FILIP1L: variants seen among roughly 807,000 people sequenced by gnomAD.
The protein encoded by FILIP1L is filamin A interacting protein 1 like, also known as filamin A-interacting protein 1-like.
FILIP1L carries 55 observed loss-of-function variants against 96.6 expected under a neutral mutation model. The ratio of observed to expected loss-of-function variants is 0.57; its 90% confidence interval spans 0.46 to 0.71. The LOEUF (loss-of-function observed/expected upper bound fraction) is 0.71. FILIP1L is among the 30% of genes least tolerant of loss of function. FILIP1L has a pLI of 0.00. For synonymous variants in FILIP1L, 467 were observed against 473.9 expected, an observed-to-expected ratio of 0.99 and a Z score of 0.19; for missense variants, 1,304 against 1,321.2, an observed-to-expected ratio of 0.99 and a Z score of 0.20.
At chr3:99,925,753 G>T in intron 3 of FILIP1L, 3 of 550,880 alleles carry the variant, frequency 5.4e-6, no homozygotes, top group Non-Finnish European at 4.6e-6. Context: ...AAGTGCACTT[G>T]GTGGAAGTGG....
intron 1 of FILIP1L, chr3:100,011,648 A>C (rs974481710): frequency 2.0e-5 from 3 of 152,220 alleles, no homozygotes; most frequent in Non-Finnish European, 4.4e-5. Flanking sequence ...ATAGGATGTC[A>C]TTGATGTTCT....
chr3:99,953,110 A>G (rs1306953617), intron 1 of FILIP1L, among the ~76,000 whole-genome samples: 2 of 152,194 alleles, frequency 1.3e-5, no homozygotes, highest in Admixed American at 1.3e-4. Flanking sequence ...ACTTAGCTGC[A>G]TACTTAAAGG....
chr3:99,984,532 C>G (rs1346009185), intron 1 of FILIP1L, among the ~76,000 whole-genome samples: 1 of 152,136 alleles, frequency 6.6e-6, no homozygotes, highest in Non-Finnish European at 1.5e-5. Context: ...GGTCCTCTAG[C>G]CCCTGGTCAC....
intron 5 of FILIP1L, among the ~76,000 whole-genome samples, chr3:99,839,226 T>A (rs556846740): frequency 9.8e-5 from 15 of 152,344 alleles, no homozygotes; most frequent in African/African-American, 3.4e-4. Context: ...TCTATATAGT[T>A]CCTTCTCTGT....
intron 4 of FILIP1L, among the ~76,000 whole-genome samples, chr3:99,867,959 C>G (rs775104429): frequency 3.9e-5 from 6 of 152,090 alleles, no homozygotes; most frequent in Non-Finnish European, 7.4e-5. Flanking sequence ...AAATTAACAC[C>G]TAGGCAAAAA....
intron 1 of FILIP1L, among the ~76,000 whole-genome samples, chr3:100,078,755 A>T (rs949191369): frequency 6.6e-6 from 1 of 152,000 alleles, no homozygotes; most frequent in Non-Finnish European, 1.5e-5. Flanking sequence ...GCCGAGCATC[A>T]TGGCGGGTGC....
intron 1 of FILIP1L, among the ~76,000 whole-genome samples, chr3:100,060,380 T>C (rs187189171): frequency 1.5e-4 from 23 of 152,290 alleles, no homozygotes; most frequent in African/African-American, 5.3e-4. Context: ...ATCTTCCTGA[T>C]GCCCTTCTAA....
At chr3:100,042,408 C>A (rs1194005890) in intron 1 of FILIP1L, among the ~76,000 whole-genome samples, 1 of 152,178 alleles carries the variant, frequency 6.6e-6, no homozygotes, top group Non-Finnish European at 1.5e-5. Flanking sequence ...GTTTCGTCAG[C>A]TAGCCTGTGA....
intron 4 of FILIP1L, among the ~76,000 whole-genome samples, chr3:99,876,688 C>T (rs1705544031): frequency 6.6e-6 from 1 of 152,138 alleles, no homozygotes; most frequent in Admixed American, 6.5e-5. Context: ...TAGGGGTCCT[C>T]AGAGGATGGT....
At chr3:99,836,236 G>A (rs1239134831) in intron 5 of FILIP1L, among the ~76,000 whole-genome samples, 1 of 152,108 alleles carries the variant, frequency 6.6e-6, no homozygotes, top group Non-Finnish European at 1.5e-5. Flanking sequence ...AAATAAGTGG[G>A]GAGGACAGAG....
chr3:100,100,986 A>G (rs1160487694), intron 1 of FILIP1L, among the ~76,000 whole-genome samples: 1 of 152,120 alleles, frequency 6.6e-6, no homozygotes, highest in Non-Finnish European at 1.5e-5. Flanking sequence ...ACAGAGAAGA[A>G]AGTGTGTGAT....
chr3:99,922,205 G>A (rs923339124), intron 4 of FILIP1L, among the ~76,000 whole-genome samples: 1 of 152,226 alleles, frequency 6.6e-6, no homozygotes, highest in Non-Finnish European at 1.5e-5. Context: ...AAGTGTCTGT[G>A]TTCAGCAAGT....
intron 5 of FILIP1L, among the ~76,000 whole-genome samples, chr3:99,832,807 T>C (rs1157372535): frequency 7.9e-6 from 1 of 126,760 alleles, no homozygotes; most frequent in East Asian, 2.5e-4. Flanking sequence ...AGCATTGCAC[T>C]CCAGCCTGGG....
intron 1 of FILIP1L, among the ~76,000 whole-genome samples, chr3:99,952,091 G>C (rs1708192630): frequency 1.3e-5 from 2 of 152,150 alleles, no homozygotes; most frequent in African/African-American, 4.8e-5. Context: ...AGCTGTTAAA[G>C]AGAATATATA....
At chr3:99,909,089 ACC>A (rs2107636707) in intron 4 of FILIP1L, among the ~76,000 whole-genome samples, 1 of 152,268 alleles carries the variant, frequency 6.6e-6, no homozygotes, top group South Asian at 2.1e-4. Flanking sequence ...AAATGTAAGA[ACC>A]AAATGTTCTA....
At chr3:100,098,377 A>C (rs1288047808) in intron 1 of FILIP1L, among the ~76,000 whole-genome samples, 1 of 152,144 alleles carries the variant, frequency 6.6e-6, no homozygotes, top group African/African-American at 2.4e-5. Flanking sequence ...CAGTTACTGA[A>C]CTTCTCTCAG....
intron 1 of FILIP1L, among the ~76,000 whole-genome samples, chr3:100,017,649 A>T (rs191341290): frequency 9.3e-4 from 142 of 152,270 alleles, no homozygotes; most frequent in South Asian, 4.8e-3. Flanking sequence ...TGTGAGCCAG[A>T]TGTGGTGGCA....
At chr3:100,067,170 T>TGTTG (rs1269959110) in intron 1 of FILIP1L, among the ~76,000 whole-genome samples, 1 of 147,992 alleles carries the variant, frequency 6.8e-6, no homozygotes, top group Non-Finnish European at 1.5e-5. Context: ...TGATCTCGTT[T>TGTTG]GTTTGTTTGT....
intron 1 of FILIP1L, among the ~76,000 whole-genome samples, chr3:99,936,878 A>G (rs2107670902): frequency 6.6e-6 from 1 of 152,166 alleles, no homozygotes; most frequent in East Asian, 1.9e-4. Context: ...TATGAAATGA[A>G]GCCCTACTAT....
Sources: allele counts gnomAD v4.1 joint callset (sites outside exome capture counted in the v4.1 genomes callset), GRCh38; gene constraint gnomAD v4.1.1; transcripts MANE v1.5; gene names NCBI Gene and HGNC (gene_info 2026-07-23, HGNC 2026-07-21).